The following SLC26A7 variants were observed in gnomAD, a reference collection of about 807,000 sequenced individuals.
SLC26A7 encodes solute carrier family 26 member 7.
In SLC26A7, 59 loss-of-function variants were observed where a neutral mutation model predicts 82.5. That is an observed-to-expected ratio of 0.72 (90% CI 0.58 to 0.89). The LOEUF is 0.89. Ranked by LOEUF, SLC26A7 falls within the 40% of genes least tolerant of loss-of-function variation. The pLI, the probability that SLC26A7 is intolerant of heterozygous loss-of-function variation, is 0.00. For missense variants in SLC26A7, 820 were observed against 793.0 expected, an observed-to-expected ratio of 1.03 and a Z score of -0.41; for synonymous variants, 271 against 274.3, an observed-to-expected ratio of 0.99 and a Z score of 0.12.
chr8:91,275,794 G>A (rs895748441), intron 2 of SLC26A7, among the ~76,000 whole-genome samples: 4 of 152,190 alleles, frequency 2.6e-5, no homozygotes, highest in Admixed American at 2.0e-4. Context: ...AATTGTGTGA[G>A]AAGGGAGTGC....
chr8:91,303,112 CTAAAAACAG>C (rs1472416601), intron 4 of SLC26A7, among the ~76,000 whole-genome samples: 4 of 152,022 alleles, frequency 2.6e-5, no homozygotes, highest in Non-Finnish European at 5.9e-5. Context: ...ATTTTTCTAG[CTAAAAACAG>C]TAAAAACAGT....
At chr8:91,210,689 A>C (rs1417074046) in intron 1 of SLC26A7, among the ~76,000 whole-genome samples, 1 of 152,150 alleles carries the variant, frequency 6.6e-6, no homozygotes. Flanking sequence ...TTTAAAAATT[A>C]AAAGAGAATA....
chr8:91,250,882 A>C (rs190277328), intron 2 of SLC26A7, among the ~76,000 whole-genome samples: 1 of 152,212 alleles, frequency 6.6e-6, no homozygotes, highest in East Asian at 1.9e-4. Flanking sequence ...CATTTTACTG[A>C]ATAGTCTTAT....
intron 14 of SLC26A7, 110 bp downstream of exon 14, chr8:91,366,827 C>T (rs1814208667): frequency 1.7e-6 from 2 of 1,211,372 alleles, no homozygotes; most frequent in Non-Finnish European, 2.3e-6. Flanking sequence ...TTCGAGACCT[C>T]TCCCTTCAGC....
At chr8:91,262,884 A>G (rs1811007371) in intron 2 of SLC26A7, among the ~76,000 whole-genome samples, 1 of 152,096 alleles carries the variant, frequency 6.6e-6, no homozygotes, top group Non-Finnish European at 1.5e-5. Context: ...ACAATTATTA[A>G]TATAAAATCA....
intron 6 of SLC26A7, among the ~76,000 whole-genome samples, chr8:91,335,598 T>C (rs1031900071): frequency 6.6e-5 from 10 of 152,194 alleles, no homozygotes; most frequent in African/African-American, 2.4e-4. Context: ...ATGAAGGCTG[T>C]TGAGCTGGTA....
upstream of SLC26A7, among the ~76,000 whole-genome samples, chr8:91,246,747 G>A (rs1376075760): frequency 6.6e-6 from 1 of 151,620 alleles, no homozygotes; most frequent in South Asian, 2.1e-4. Context: ...AGGACATCAT[G>A]AGTATAATTA....
intron 7 of SLC26A7, among the ~76,000 whole-genome samples, chr8:91,339,627 G>GATTTATTTATTTATTTATTT (rs60112814): frequency 1.8e-4 from 27 of 146,964 alleles, no homozygotes; most frequent in African/African-American, 6.5e-4. Flanking sequence ...CTGCCTGAGG[G>GATTTATTTATTTATTTATTT]ATTTATTTAT....
At chr8:91,321,014 G>A (rs1023938545) in intron 5 of SLC26A7, among the ~76,000 whole-genome samples, 1 of 152,276 alleles carries the variant, frequency 6.6e-6, no homozygotes, top group Non-Finnish European at 1.5e-5. Flanking sequence ...CAATCAAAAT[G>A]TCCATTGATT....
At chr8:91,309,460 C>A (rs777441773) in intron 4 of SLC26A7, among the ~76,000 whole-genome samples, 33 of 151,436 alleles carry the variant, frequency 2.2e-4, no homozygotes, top group Non-Finnish European at 3.7e-4. Flanking sequence ...CACTCACCAT[C>A]CATTTGTTTA....
At chr8:91,328,250 T>C (rs1439802948) in intron 5 of SLC26A7, among the ~76,000 whole-genome samples, 2 of 152,122 alleles carry the variant, frequency 1.3e-5, no homozygotes, top group Non-Finnish European at 2.9e-5. Flanking sequence ...CAATGAGAAT[T>C]CAATAGCTAT....
At chr8:91,299,316 A>G (rs1379797823) in intron 4 of SLC26A7, among the ~76,000 whole-genome samples, 1 of 152,058 alleles carries the variant, frequency 6.6e-6, no homozygotes, top group Admixed American at 6.5e-5. Flanking sequence ...CAAATTTATC[A>G]GTCGTTTCTT....
rs191896577 is a variant in SLC26A7 at position 91,216,393 on chromosome 8, T to C, written c.-149-2497T>C. Among the ~76,000 whole-genome samples the C allele has an allele frequency of 2.5e-4, 38 of 152,292 alleles. No homozygotes were observed. The East Asian group carries it at 6.9e-3, about 28-fold the overall frequency. ...TTTAATACTTTCTATTATAAACTTT[T>C]CACCTCATGAAGAAACTGGACAAAG... is the stretch of plus-strand genomic sequence containing the variant. On this transcript the variant is annotated intron_variant, in intron 1 of 5. Transcript: ENST00000522862.
At position 91,387,323 on chromosome 8, in the gene SLC26A7, G is replaced by A. The variant is rs192309854; in HGVS notation, c.1676-2015G>A. On this transcript the variant is annotated intron_variant, in intron 15 of 18. Transcript: ENST00000276609. Reference sequence around the variant, plus strand: ...TTAATTAGGCAAATAATGAATGATAGTGATTACAGTTGAGTGGTCAGTAGA... The same window carrying A: ...TTAATTAGGCAAATAATGAATGATAATGATTACAGTTGAGTGGTCAGTAGA... 1.6e-3 allele frequency among the ~76,000 whole-genome samples: 249 copies of A among 152,314 alleles called. 1 individual carries two copies. Among genetic ancestry groups the A allele is most frequent in the African/African-American group, 5.3e-3 (222 of 41,558 alleles).
At chr8:91,317,787 A>G (rs1249972069) in intron 4 of SLC26A7, among the ~76,000 whole-genome samples, 1 of 152,048 alleles carries the variant, frequency 6.6e-6, no homozygotes, top group Non-Finnish European at 1.5e-5. Flanking sequence ...ATAGACCCAT[A>G]CATTAAACTG....
chr8:91,341,233 C>T (rs1287420218), intron 8 of SLC26A7, among the ~76,000 whole-genome samples: 3 of 151,440 alleles, frequency 2.0e-5, no homozygotes, highest in East Asian at 1.9e-4. Flanking sequence ...TGAGAATATG[C>T]GGTGTTTGGT....
At chr8:91,348,097 T>G (rs549887787) in intron 9 of SLC26A7, among the ~76,000 whole-genome samples, 1 of 152,322 alleles carries the variant, frequency 6.6e-6, no homozygotes, top group African/African-American at 2.4e-5. Context: ...AAACAACAGC[T>G]GGCATGTTTT....
At chr8:91,234,827 A>ACCTACTTACTTCCTTCCTTCCTTCCTTC (rs1386380375) in intron 2 of SLC26A7, among the ~76,000 whole-genome samples, 1 of 92,494 alleles carries the variant, frequency 1.1e-5, no homozygotes, top group Non-Finnish European at 2.2e-5. Flanking sequence ...CTACCTACCT[A>ACCTACTTACTTCCTTCCTTCCTTCCTTC]CTTCCTTCCT....
intron 2 of SLC26A7, among the ~76,000 whole-genome samples, chr8:91,225,014 G>A (rs982210710): frequency 3.3e-5 from 5 of 152,212 alleles, no homozygotes; most frequent in African/African-American, 4.8e-5. Flanking sequence ...TTGGGACCAA[G>A]CCATCCAGCC....
Sources: allele counts gnomAD v4.1 joint callset (sites outside exome capture counted in the v4.1 genomes callset), GRCh38; gene constraint gnomAD v4.1.1; transcripts MANE v1.5; gene names NCBI Gene and HGNC (gene_info 2026-07-23, HGNC 2026-07-21).